The following TRPC5 variants were observed in gnomAD, a reference collection of about 807,000 sequenced individuals.
The protein encoded by TRPC5 is short transient receptor potential channel 5.
Under a neutral mutation model 56.5 loss-of-function variants are expected in TRPC5, and 9 were observed. The ratio of observed to expected loss-of-function variants is 0.16; its 90% confidence interval spans 0.10 to 0.28. The LOEUF is 0.28. TRPC5 is among the 10% of genes least tolerant of loss of function. TRPC5 has a pLI of 1.00. For synonymous variants in TRPC5, 282 were observed against 278.5 expected, an observed-to-expected ratio of 1.01 and a Z score of -0.13; for missense variants, 469 against 748.9, an observed-to-expected ratio of 0.63 and a Z score of 4.36.
rs968843188 is a variant in TRPC5 at position 111,775,214 on chromosome X, A to G, written c.*1099T>C. ...TTACACATGCAATTCCACTGCCCCC[A>G]ATGAATATTAAAACTGCAACCTGAA... is the stretch of plus-strand genomic sequence containing the variant. On this transcript the variant is annotated 3_prime_UTR_variant, in exon 11 of 11. Coordinates refer to ENST00000262839, the MANE Select transcript of TRPC5 (RefSeq NM_012471.3). 1 of 111,693 alleles carries G rather than the reference A, an allele frequency of 9.0e-6. No individual in the cohort carries two copies. The highest frequency in any genetic ancestry group is 1.9e-5 in the Non-Finnish European group (1 of 53,143). The allele number at this position is 111,693 out of a possible 1,213,427, so 9.2% of individuals were successfully genotyped here.
chrX:111,883,319 A>G (rs915637024), intron 3 of TRPC5, among the ~76,000 whole-genome samples: 1 of 112,344 alleles, frequency 8.9e-6, no homozygotes, highest in Non-Finnish European at 1.9e-5. Flanking sequence ...ACTGGGACCT[A>G]TTCAGGGCCA....
At chrX:112,058,466 G>A (rs190806206) in intron 1 of TRPC5, among the ~76,000 whole-genome samples, 44 of 109,976 alleles carry the variant, frequency 4.0e-4, no homozygotes, top group Admixed American at 3.6e-3. Flanking sequence ...CATGCCTCTG[G>A]TGTCATAGGG....
intron 5 of TRPC5, among the ~76,000 whole-genome samples, chrX:111,849,395 T>C (rs962581892): frequency 2.7e-5 from 3 of 112,665 alleles, no homozygotes; most frequent in African/African-American, 9.7e-5. Flanking sequence ...AATCAGATAG[T>C]ACATATTTTT....
At chrX:111,855,874 G>C (rs1256895225) in intron 3 of TRPC5, among the ~76,000 whole-genome samples, 1 of 112,161 alleles carries the variant, frequency 8.9e-6, no homozygotes, top group East Asian at 2.8e-4. Context: ...AGCACAAAAG[G>C]AGAGTTATAC....
In TRPC5 at chrX:111,834,979, A is replaced by G; in HGVS notation, c.1838T>C (p.Leu613Pro). ...TMFGTYNVIS[L>P]VVLLNMLIAM... The stretch of plus-strand genomic sequence containing the variant: ...AATCAGCATGTTCAGCAGCACTACC[A>G]GGGAGATGACATTGTATGTTCCAAA... The change falls in exon 7 of 11, where the codon CTG (leucine) becomes CCG (proline). Residue 613 changes from leucine to proline, a missense_variant. By Grantham distance (98) the Leu-to-Pro change is moderately conservative. This residue lies in a region of TRPC5 where 157 missense variants were observed against 360.0 expected (regional missense o/e 0.44). Coordinates refer to ENST00000262839, the MANE Select transcript of TRPC5 (RefSeq NM_012471.3). 8.3e-7 allele frequency: 1 copy of G among 1,211,478 alleles called. No individual in the cohort carries two copies. Among genetic ancestry groups the G allele is most frequent in the Non-Finnish European group, 1.1e-6 (1 of 895,202 alleles).
intron 6 of TRPC5, among the ~76,000 whole-genome samples, chrX:111,844,444 TTTTC>T (rs1197829264): frequency 2.7e-5 from 3 of 109,452 alleles, no homozygotes; most frequent in South Asian, 3.9e-4. Context: ...TTTTTCTCTT[TTTTC>T]TTTCTTTCTT....
chrX:111,851,226 T>G (rs1923074373), intron 5 of TRPC5, among the ~76,000 whole-genome samples: 1 of 112,123 alleles, frequency 8.9e-6, no homozygotes. Context: ...AAAAATAAAC[T>G]AAGTTGTTGG....
At chrX:112,010,163 C>T (rs182626268) in intron 1 of TRPC5, among the ~76,000 whole-genome samples, 45 of 111,846 alleles carry the variant, frequency 4.0e-4, no homozygotes, top group African/African-American at 1.3e-3. Flanking sequence ...CCCTGCTCCA[C>T]AGTAGCTGTG....
rs765242577 is a variant in TRPC5, at chrX:111,778,880, A to T, written c.2232+105T>A. On this transcript the variant is annotated intron_variant, in intron 10 of 10. Transcript: ENST00000262839. ...AATAAGCATTATAACTGGCTTTGCT[A>T]TATTGTAAGCAGATGAAATTCCATC... 484 of 515,775 alleles carry T rather than the reference A, an allele frequency of 9.4e-4. 2 individuals are homozygous for T. Among genetic ancestry groups the T allele is most frequent in the Non-Finnish European group, 2.7e-4 (88 of 321,517 alleles). 42.5% of individuals were successfully genotyped at this position (515,775 alleles called of 1,213,427 possible).
At chrX:112,065,743 T>A (rs1930568558) in intron 1 of TRPC5, among the ~76,000 whole-genome samples, 1 of 110,684 alleles carries the variant, frequency 9.0e-6, no homozygotes, top group South Asian at 3.9e-4. Context: ...ATATAAAAAA[T>A]TAGCTGGGAG....
At chrX:112,002,165 G>T (rs919441338) in intron 1 of TRPC5, among the ~76,000 whole-genome samples, 11 of 112,095 alleles carry the variant, frequency 9.8e-5, no homozygotes, top group Non-Finnish European at 1.7e-4. Flanking sequence ...AGATCACACT[G>T]CTCCTCTGCT....
chrX:111,965,579 G>A (rs748191103), intron 1 of TRPC5, among the ~76,000 whole-genome samples: 2 of 111,481 alleles, frequency 1.8e-5, no homozygotes, highest in South Asian at 7.7e-4. Flanking sequence ...TGGAAGTGAA[G>A]CACTCCTCCG....
At chrX:111,918,184 G>C (rs945752246) in intron 2 of TRPC5, among the ~76,000 whole-genome samples, 4 of 111,683 alleles carry the variant, frequency 3.6e-5, no homozygotes, top group African/African-American at 1.3e-4. Flanking sequence ...TCTGGAATAA[G>C]GATGCCTTAT....
At chrX:112,021,829 T>A (rs773098783) in intron 1 of TRPC5, among the ~76,000 whole-genome samples, 6 of 112,148 alleles carry the variant, frequency 5.4e-5, no homozygotes, top group Admixed American at 1.9e-4. Context: ...GATCATAGAG[T>A]CAAAGAATGA....
chrX:112,062,848 A>G (rs1209004340), intron 1 of TRPC5, among the ~76,000 whole-genome samples: 1 of 111,711 alleles, frequency 9.0e-6, no homozygotes, highest in Non-Finnish European at 1.9e-5. Context: ...CTATGTGCAG[A>G]ATGGATTGAC....
chrX:112,044,396 T>C (rs1201313726), intron 1 of TRPC5, among the ~76,000 whole-genome samples: 2 of 111,893 alleles, frequency 1.8e-5, no homozygotes, highest in Non-Finnish European at 3.8e-5. Context: ...GGAAAAAGGC[T>C]TGGATTTTAT....
chrX:111,809,726 G>A (rs1190082124), intron 7 of TRPC5, among the ~76,000 whole-genome samples: 1 of 111,056 alleles, frequency 9.0e-6, no homozygotes, highest in Non-Finnish European at 1.9e-5. Flanking sequence ...GACGGTTGTT[G>A]GAGGCTTCTA....
chrX:111,914,282 G>T (rs1300655175), intron 2 of TRPC5, among the ~76,000 whole-genome samples: 2 of 112,322 alleles, frequency 1.8e-5, no homozygotes, highest in Non-Finnish European at 3.8e-5. Context: ...GACAAATCAT[G>T]GGATTTTTGT....
At chrX:111,957,428 T>C (rs886306054) in intron 1 of TRPC5, among the ~76,000 whole-genome samples, 4 of 112,436 alleles carry the variant, frequency 3.6e-5, no homozygotes, top group South Asian at 7.3e-4. Context: ...CCGGATACTG[T>C]GTGTGCTAAA....
Sources: gnomAD v4.1 joint callset for allele counts (sites outside exome capture counted in the v4.1 genomes callset) on GRCh38, gnomAD v4.1.1 for gene constraint, gnomAD v4.1.1 regional missense constraint, MANE v1.5 for transcripts, NCBI Gene and HGNC (gene_info 2026-07-23, HGNC 2026-07-21) for gene names.